The following ESR1 variants were observed in gnomAD, a reference collection of about 807,000 sequenced individuals.
ESR1 encodes estrogen receptor 1.
ESR1 carries 12 observed loss-of-function variants against 52.7 expected under a neutral mutation model. The observed-to-expected ratio is 0.23, with a 90% CI of 0.15 to 0.37. ESR1 has a LOEUF of 0.37. Among genes scored for constraint, ESR1 ranks in the 10% least tolerant of loss-of-function variants. ESR1 has a pLI of 1.00. For synonymous variants in ESR1, 305 were observed against 316.8 expected (o/e 0.96, Z 0.39); for missense variants, 584 against 779.7 (o/e 0.75, Z 2.99).
At chr6:152,046,985 T>C (rs948777485) in intron 5 of ESR1, among the ~76,000 whole-genome samples, 1 of 152,188 alleles carries the variant, frequency 6.6e-6, no homozygotes, top group South Asian at 2.1e-4. Flanking sequence ...ACCACGAAAA[T>C]AACCACCTCT....
rs1473767384 is a variant in ESR1, at chr6:151,934,780, G to C, written c.761-9393G>C. Among the ~76,000 whole-genome samples, 3 of 152,220 alleles carry C rather than the reference G, an allele frequency of 2.0e-5. No individual in the cohort carries two copies. The South Asian group carries it at 6.2e-4, about 32-fold the overall frequency. On this transcript the variant is annotated intron_variant, in intron 3 of 7. Transcript: ENST00000206249. ...TAAAAAAGAATTTCTAGACCAGGATGTGTGCAATTTGTAATCTCTAATAAG... is the reference window on the plus strand; with the variant it reads ...TAAAAAAGAATTTCTAGACCAGGATCTGTGCAATTTGTAATCTCTAATAAG...
At chr6:151,778,672 C>T (rs979897137) in intron 2 of ESR1, among the ~76,000 whole-genome samples, 13 of 152,208 alleles carry the variant, frequency 8.5e-5, no homozygotes, top group Non-Finnish European at 1.9e-4. Flanking sequence ...TCCCAAAGTG[C>T]TGGGATTACA....
rs909657660 is a variant in ESR1, at chr6:152,100,808, T to G, written c.*1842T>G. 4.3e-6 allele frequency: 1 copy of G among 231,122 alleles called. No homozygotes were observed. Among genetic ancestry groups the G allele is most frequent in the Non-Finnish European group, 8.6e-6 (1 of 116,678 alleles). 14.3% of individuals were successfully genotyped at this position (231,122 alleles called of 1,614,324 possible). On this transcript the variant is annotated 3_prime_UTR_variant, in exon 8 of 8. Transcript: ENST00000206249. ...AAAAAGTTTTTATGTGCACTTAAAT[T>G]TGGGGACAATTTTATGTATCTGTGT...
At chr6:151,969,914 A>AT (rs141562122) in intron 4 of ESR1, among the ~76,000 whole-genome samples, 8,873 of 149,166 alleles carry the variant, frequency 0.059, 461 homozygotes, top group African/African-American at 0.13. Context: ...AACACAACAA[A>AT]TTTTTTTTTT....
chr6:152,116,528 T>C (rs2051212483), intron 6 of ESR1, among the ~76,000 whole-genome samples: 1 of 152,106 alleles, frequency 6.6e-6, no homozygotes, highest in Admixed American at 6.5e-5. Flanking sequence ...CGGGAGATGA[T>C]GTAGAGAGAG....
intron 5 of ESR1, among the ~76,000 whole-genome samples, chr6:152,025,260 G>GT (rs2044048993): frequency 6.8e-6 from 1 of 146,250 alleles, no homozygotes; most frequent in African/African-American, 2.5e-5. Context: ...TAGTTTGGAA[G>GT]TTTTTCTTTT....
chr6:152,047,540 A>G (rs980198136), intron 5 of ESR1, among the ~76,000 whole-genome samples: 3 of 152,134 alleles, frequency 2.0e-5, no homozygotes, highest in African/African-American at 7.2e-5. Context: ...TTTTGTGTGC[A>G]CAAGAGCTTT....
chr6:151,952,409 C>A (rs1400490017), intron 4 of ESR1, among the ~76,000 whole-genome samples: 4 of 152,156 alleles, frequency 2.6e-5, no homozygotes, highest in Non-Finnish European at 5.9e-5. Context: ...CTTTCCCCTG[C>A]CATTCTCCCC....
Position 152,098,289 on chromosome 6 carries a change from G to T in ESR1, c.1554-443G>T, listed in dbSNP as rs181973119. 6.6e-6 allele frequency among the ~76,000 whole-genome samples: 1 copy of T among 152,068 alleles called. No homozygotes were observed. The highest frequency in any genetic ancestry group is 2.4e-5 in the African/African-American group (1 of 41,404). On this transcript the variant is annotated intron_variant, in intron 7 of 7. Transcript: ENST00000206249. The surrounding 1 kb of genome is among the most constrained non-coding windows in gnomAD (Gnocchi z 5.1). Reference sequence around the variant, plus strand: ...GACGTGAGAGATTTAACAATGGAGCGTCTTGAACTGCTTTACTCATTTAAA... The same window carrying T: ...GACGTGAGAGATTTAACAATGGAGCTTCTTGAACTGCTTTACTCATTTAAA...
chr6:151,765,292 C>A (rs934924050), intron 2 of ESR1, among the ~76,000 whole-genome samples: 1 of 151,964 alleles, frequency 6.6e-6, no homozygotes, highest in Admixed American at 6.5e-5. Context: ...GATTCAGACA[C>A]CTAAGTTGTT....
At chr6:151,795,056 C>A (rs531663111) in intron 2 of ESR1, among the ~76,000 whole-genome samples, 63 of 152,218 alleles carry the variant, frequency 4.1e-4, no homozygotes, top group African/African-American at 1.4e-3. Context: ...GAAGAACTTG[C>A]GTTTCCTATA....
chr6:151,954,349 G>T (rs1353279247), intron 4 of ESR1, among the ~76,000 whole-genome samples: 2 of 152,162 alleles, frequency 1.3e-5, no homozygotes, highest in Admixed American at 6.5e-5. Flanking sequence ...AAGTGGCCTT[G>T]TCCTTTTAGT....
intron 6 of ESR1, among the ~76,000 whole-genome samples, chr6:152,120,264 AG>A (rs2051280953): frequency 6.6e-6 from 1 of 152,160 alleles, no homozygotes; most frequent in African/African-American, 2.4e-5. Context: ...TTCTCCTTCC[AG>A]ATATCGGGAG....
intron 2 of ESR1, among the ~76,000 whole-genome samples, chr6:151,721,645 C>G (rs750727944): frequency 6.6e-6 from 1 of 152,200 alleles, no homozygotes; most frequent in African/African-American, 2.4e-5. Context: ...TGTTTATCAT[C>G]TATGTTGAGT....
chr6:151,699,016 C>G (rs547619809), intron 1 of ESR1, among the ~76,000 whole-genome samples: 1 of 152,194 alleles, frequency 6.6e-6, no homozygotes, highest in Non-Finnish European at 1.5e-5. Flanking sequence ...AAGCAAAGGT[C>G]TCCTGCTTAC....
intron 6 of ESR1, among the ~76,000 whole-genome samples, chr6:152,116,192 C>T (rs1338445313): frequency 1.3e-5 from 2 of 152,180 alleles, no homozygotes; most frequent in Non-Finnish European, 2.9e-5. Context: ...GAAGAATGTA[C>T]ATACCTTTTG....
chr6:151,791,296 C>G (rs911507125), intron 2 of ESR1, among the ~76,000 whole-genome samples: 1 of 152,100 alleles, frequency 6.6e-6, no homozygotes, highest in Non-Finnish European at 1.5e-5. Flanking sequence ...GCGGGTCTCT[C>G]CCGTGCTGTT....
chr6:152,033,072 A>G (rs1286580329), intron 5 of ESR1, among the ~76,000 whole-genome samples: 2 of 152,206 alleles, frequency 1.3e-5, no homozygotes, highest in African/African-American at 4.8e-5. Flanking sequence ...TGGTGCTGGG[A>G]AAACTGGCTA....
intron 3 of ESR1, among the ~76,000 whole-genome samples, chr6:151,885,958 C>A (rs1372168110): frequency 6.6e-6 from 1 of 151,934 alleles, no homozygotes; most frequent in Non-Finnish European, 1.5e-5. Flanking sequence ...AAGTGCCACA[C>A]AAGTGTTAGC....
Sources: gnomAD v4.1 joint callset for allele counts (sites outside exome capture counted in the v4.1 genomes callset) on GRCh38, gnomAD v4.1.1 for gene constraint, Gnocchi (gnomAD v3.1) non-coding constraint, MANE v1.5 for transcripts, NCBI Gene and HGNC (gene_info 2026-07-23, HGNC 2026-07-21) for gene names.